ARHGEF11: variants seen among roughly 807,000 people sequenced by gnomAD.
ARHGEF11 encodes the protein Rho guanine exchange factor (GEF) 11.
ARHGEF11 carries 55 observed loss-of-function variants against 193.7 expected under a neutral mutation model. The observed-to-expected ratio is 0.28, with a 90% confidence interval of 0.23 to 0.36. The LOEUF is 0.36. Among genes scored for constraint, ARHGEF11 ranks in the 10% least tolerant of loss-of-function variants. The pLI is 1.00. For synonymous variants in ARHGEF11, 693 were observed against 768.0 expected, an observed-to-expected ratio of 0.90 and a Z score of 1.62; for missense variants, 1,723 against 2,005.6, an observed-to-expected ratio of 0.86 and a Z score of 2.69.
intron 40 of ARHGEF11, 66 bp downstream of exon 40, chr1:156,936,750 T>C (rs2101729158): frequency 6.5e-7 from 1 of 1,526,946 alleles, no homozygotes; most frequent in South Asian, 1.3e-5. Context: ...CTTAGTGATG[T>C]GTCCTCACGA....
At chr1:157,015,727 T>C (rs1374664801) in intron 1 of ARHGEF11, among the ~76,000 whole-genome samples, 2 of 152,222 alleles carry the variant, frequency 1.3e-5, no homozygotes, top group Non-Finnish European at 2.9e-5. Context: ...TGTGGATTAG[T>C]GCCTCTTTCC....
At position 156,939,746 on chromosome 1, in the gene ARHGEF11, C is replaced by A; in HGVS notation, c.3898G>T (p.Gly1300Cys). The change falls in exon 37 of 41, where the codon GGT (glycine) becomes TGT (cysteine). Residue 1300 changes from glycine (G) to cysteine (C), a missense_variant. By Grantham distance (159) the Gly-to-Cys change is radical (BLOSUM62 -3). Around this residue, in one of 5 missense-constraint regions of ARHGEF11, gnomAD observed 360 missense variants for 344.4 expected, o/e 1.05. Transcript: ENST00000368194. The part of the protein sequence containing the change: ...PGSPGQAPPG[G>C]EGDNTQLAGL... ...GCAAGCTGGGTGTTGTCCCCTTCAC[C>A]CCCAGGGGGTGCTTGCCCTGGGGAG... The A allele has an allele frequency of 6.2e-7, 1 of 1,614,062 alleles. No individual in the cohort carries two copies. The highest frequency in any genetic ancestry group is 1.1e-5 in the South Asian group (1 of 91,084).
chr1:157,041,601 A>C (rs1400695343), intron 1 of ARHGEF11, among the ~76,000 whole-genome samples: 1 of 152,208 alleles, frequency 6.6e-6, no homozygotes, highest in Admixed American at 6.5e-5. Context: ...ATTTGACTAC[A>C]TTTGAAATTA....
chr1:156,994,038 C>T (rs1666132476), intron 1 of ARHGEF11, among the ~76,000 whole-genome samples: 1 of 152,206 alleles, frequency 6.6e-6, no homozygotes. Context: ...ATTCCTTATT[C>T]AGAGGACCGT....
At chr1:157,007,569 G>T (rs1258340337) in intron 1 of ARHGEF11, among the ~76,000 whole-genome samples, 2 of 152,104 alleles carry the variant, frequency 1.3e-5, no homozygotes, top group East Asian at 1.9e-4. Context: ...TGTGCGGCGG[G>T]GGGAGGAGTA....
At chr1:156,986,309 TG>T in intron 1 of ARHGEF11, 136 bp from the exon 2 acceptor site, 1 of 624,850 alleles carries the variant, frequency 1.6e-6, no homozygotes, top group Non-Finnish European at 2.8e-6. Context: ...TAACCCAATC[TG>T]GTAGGACATT....
intron 18 of ARHGEF11, 98 bp downstream of exon 18, chr1:156,957,694 A>T: frequency 7.6e-7 from 1 of 1,314,200 alleles, no homozygotes; most frequent in Non-Finnish European, 1.1e-6. Context: ...GTACAACATG[A>T]GGGACTCCCC....
intron 7 of ARHGEF11, among the ~76,000 whole-genome samples, chr1:156,975,536 A>G (rs779483675): frequency 5.9e-5 from 9 of 152,194 alleles, no homozygotes; most frequent in Non-Finnish European, 1.0e-4. Flanking sequence ...ATCCTTTGAC[A>G]TATACAAGCT....
At chr1:157,018,837 G>A (rs1272774388) in intron 1 of ARHGEF11, among the ~76,000 whole-genome samples, 1 of 152,100 alleles carries the variant, frequency 6.6e-6, no homozygotes, top group Non-Finnish European at 1.5e-5. Context: ...TACGATCAAT[G>A]GATTTTCAGC....
chr1:157,019,481 T>C (rs939725370), intron 1 of ARHGEF11, among the ~76,000 whole-genome samples: 1 of 152,220 alleles, frequency 6.6e-6, no homozygotes, highest in African/African-American at 2.4e-5. Flanking sequence ...AATTTGGAAA[T>C]TTCTTATGAC....
At chr1:156,995,712 T>G (rs1403774764) in intron 1 of ARHGEF11, among the ~76,000 whole-genome samples, 1 of 151,052 alleles carries the variant, frequency 6.6e-6, no homozygotes, top group East Asian at 1.9e-4. Context: ...TTGTTTTTTT[T>G]TTTTTTTTTT....
chr1:156,944,236 T>G, intron 31 of ARHGEF11, 122 bp downstream of exon 31: 3 of 1,429,258 alleles, frequency 2.1e-6, no homozygotes, highest in Non-Finnish European at 2.9e-6. Flanking sequence ...TCTCTGATTA[T>G]TCCCTTCCCA....
intron 16 of ARHGEF11, 80 bp from the exon 17 acceptor site, chr1:156,958,944 C>T (rs1239062136): frequency 4.3e-6 from 7 of 1,609,238 alleles, no homozygotes; most frequent in Non-Finnish European, 6.0e-6. Context: ...ACAAGACAAA[C>T]ACATATAACA....
chr1:156,962,863 T>G (rs371646111), intron 13 of ARHGEF11, among the ~76,000 whole-genome samples: 1 of 113,960 alleles, frequency 8.8e-6, no homozygotes. Flanking sequence ...TCGGCGACAG[T>G]GCGAGACTCC....
chr1:157,003,812 T>A (rs1334846993), intron 1 of ARHGEF11, among the ~76,000 whole-genome samples: 1 of 152,194 alleles, frequency 6.6e-6, no homozygotes, highest in Non-Finnish European at 1.5e-5. Context: ...GGTAACATAT[T>A]TAACCTCTTA....
At chr1:156,994,395 T>TTG (rs1553220947) in intron 1 of ARHGEF11, among the ~76,000 whole-genome samples, 13 of 151,098 alleles carry the variant, frequency 8.6e-5, no homozygotes, top group African/African-American at 3.2e-4. Flanking sequence ...ATTGTGTGTT[T>TTG]TTTTTTTTTT....
At chr1:156,946,017 G>A (rs1260625215) in intron 29 of ARHGEF11, 28 bp downstream of exon 29, 2 of 1,581,050 alleles carry the variant, frequency 1.3e-6, no homozygotes, top group Non-Finnish European at 1.7e-6. Flanking sequence ...CCCACTGCCT[G>A]TGATGCCAGC....
At chr1:157,008,468 C>T (rs954024634) in intron 1 of ARHGEF11, among the ~76,000 whole-genome samples, 1 of 151,938 alleles carries the variant, frequency 6.6e-6, no homozygotes, top group Admixed American at 6.6e-5. Context: ...AGAAGGCAGC[C>T]GTCTACAAGC....
intron 40 of ARHGEF11, 72 bp downstream of exon 40, chr1:156,936,744 G>T: frequency 6.6e-7 from 1 of 1,507,626 alleles, no homozygotes; most frequent in Non-Finnish European, 9.0e-7. Context: ...TCACTGCTTA[G>T]TGATGTGTCC....
Sources: allele counts gnomAD v4.1 joint callset (sites outside exome capture counted in the v4.1 genomes callset), GRCh38; gene constraint gnomAD v4.1.1; regional missense constraint gnomAD v4.1.1; transcripts MANE v1.5; gene names NCBI Gene and HGNC (gene_info 2026-07-23, HGNC 2026-07-21).